CPA6: variants seen among roughly 807,000 people sequenced by gnomAD.
CPA6 encodes carboxypeptidase B.
A neutral mutation model predicts 63.3 loss-of-function variants in CPA6; 58 were observed. The ratio of observed to expected loss-of-function variants is 0.92; its 90% CI spans 0.74 to 1.14. The LOEUF (loss-of-function observed/expected upper bound fraction) is 1.14, where lower values mean the gene tolerates loss of function less well. Ranked by LOEUF, CPA6 falls within the 50% of genes most tolerant of loss-of-function variation. CPA6 has a pLI of 0.00. For missense variants in CPA6, 565 were observed against 526.6 expected (o/e 1.07, Z -0.71); for synonymous variants, 185 against 179.0 (o/e 1.03, Z -0.27).
chr8:67,470,125 G>A (rs1811024818), intron 8 of CPA6, among the ~76,000 whole-genome samples: 1 of 151,550 alleles, frequency 6.6e-6, no homozygotes, highest in Non-Finnish European at 1.5e-5. Flanking sequence ...CTCCCAACAG[G>A]TTCAAGCAAT....
intron 1 of CPA6, among the ~76,000 whole-genome samples, chr8:67,631,395 C>T (rs1490791637): frequency 1.3e-5 from 2 of 152,178 alleles, no homozygotes; most frequent in Non-Finnish European, 2.9e-5. Context: ...ATTGTAAATG[C>T]ACCAATCAGC....
intron 2 of CPA6, among the ~76,000 whole-genome samples, chr8:67,547,279 C>G (rs889785677): frequency 6.6e-6 from 1 of 152,160 alleles, no homozygotes; most frequent in Admixed American, 6.5e-5. Flanking sequence ...ATCTCCTGAC[C>G]TGGTGATCCG....
At chr8:67,507,999 T>TTGTGTGTGTG (rs145996041) in intron 5 of CPA6, among the ~76,000 whole-genome samples, 77 of 142,394 alleles carry the variant, frequency 5.4e-4, no homozygotes, top group East Asian at 2.5e-3. Context: ...ATGGGGTGCT[T>TTGTGTGTGTG]TGTGTGTGTG....
chr8:67,709,438 GAGGAGGCA>G (rs1817206000), intron 1 of CPA6, among the ~76,000 whole-genome samples: 1 of 152,172 alleles, frequency 6.6e-6, no homozygotes, highest in Non-Finnish European at 1.5e-5. Context: ...TATTTCCTCT[GAGGAGGCA>G]AGAATCAAGT....
intron 1 of CPA6, chr8:67,735,174 T>A (rs536878390): frequency 5.3e-5 from 8 of 152,354 alleles, no homozygotes; most frequent in Admixed American, 2.6e-4. Flanking sequence ...TCATTTTTTT[T>A]AATCTCTCCC....
rs116242548 is a variant in CPA6, at chr8:67,568,062, G to T, written c.193-50015C>A. ...ATTCAGGGCAAAGGGAGCAGCTCAG[G>T]CTTCTAGATAACCTGAAAGCAAACT... On this transcript the variant is annotated intron_variant, in intron 2 of 10. Transcript: ENST00000297770. Among the ~76,000 whole-genome samples the T allele has an allele frequency of 9.1e-3, 1,391 of 152,202 alleles. 18 individuals are homozygous for T. Among genetic ancestry groups the T allele is most frequent in the African/African-American group, 0.032 (1,324 of 41,506 alleles).
At chr8:67,566,474 C>T (rs1813339126) in intron 2 of CPA6, among the ~76,000 whole-genome samples, 1 of 152,216 alleles carries the variant, frequency 6.6e-6, no homozygotes, top group Non-Finnish European at 1.5e-5. Flanking sequence ...TGTGTCACCT[C>T]TAAAACCTTA....
intron 10 of CPA6, among the ~76,000 whole-genome samples, chr8:67,426,433 T>C (rs181628708): frequency 6.6e-6 from 1 of 151,532 alleles, no homozygotes; most frequent in Non-Finnish European, 1.5e-5. Flanking sequence ...TATGATTGTT[T>C]AAATACAGTT....
intron 1 of CPA6, among the ~76,000 whole-genome samples, chr8:67,734,340 C>T (rs918148208): frequency 3.4e-5 from 5 of 145,788 alleles, no homozygotes; most frequent in African/African-American, 1.3e-4. Flanking sequence ...AACCAGGGCC[C>T]CATGGAAAAA....
At chr8:67,740,516 T>G (rs919548433) in intron 1 of CPA6, among the ~76,000 whole-genome samples, 1 of 152,226 alleles carries the variant, frequency 6.6e-6, no homozygotes, top group Middle Eastern at 3.2e-3. Flanking sequence ...TTGTCTTCAG[T>G]ATGCCACATC....
intron 7 of CPA6, 104 bp from the exon 8 acceptor site, chr8:67,483,962 A>G: frequency 2.1e-6 from 2 of 943,222 alleles, no homozygotes; most frequent in Admixed American, 3.6e-5. Flanking sequence ...CTGAGGGGAG[A>G]GTTCTCCTGT....
chr8:67,550,029 T>C (rs1200435427), intron 2 of CPA6, among the ~76,000 whole-genome samples: 1 of 152,222 alleles, frequency 6.6e-6, no homozygotes. Flanking sequence ...GATCATTTGA[T>C]AGTTCTATTG....
intron 1 of CPA6, among the ~76,000 whole-genome samples, chr8:67,663,808 A>G (rs991110708): frequency 6.6e-6 from 1 of 152,080 alleles, no homozygotes; most frequent in Non-Finnish European, 1.5e-5. Context: ...CATCTTTGCT[A>G]TTGTGAATAG....
chr8:67,697,418 C>T (rs1043736353), intron 1 of CPA6, among the ~76,000 whole-genome samples: 10 of 152,248 alleles, frequency 6.6e-5, no homozygotes, highest in East Asian at 3.9e-4. Context: ...GTCATAAGAC[C>T]TTAAGGAGGC....
chr8:67,441,591 G>T (rs1050673237), intron 8 of CPA6, among the ~76,000 whole-genome samples: 2 of 152,104 alleles, frequency 1.3e-5, no homozygotes, highest in African/African-American at 4.8e-5. Context: ...ACATACATAG[G>T]TATAATCATA....
intron 8 of CPA6, among the ~76,000 whole-genome samples, chr8:67,448,005 G>A (rs557650466): frequency 1.5e-3 from 227 of 152,244 alleles, no homozygotes; most frequent in African/African-American, 4.5e-3. Flanking sequence ...GGCTGGTCTC[G>A]AACTCCCAAG....
intron 1 of CPA6, among the ~76,000 whole-genome samples, chr8:67,624,595 G>T (rs1815156292): frequency 6.6e-6 from 1 of 152,230 alleles, no homozygotes; most frequent in Non-Finnish European, 1.5e-5. Context: ...TCTGATGACA[G>T]AAGAAAGAAA....
At chr8:67,544,573 T>C (rs1300139265) in intron 2 of CPA6, among the ~76,000 whole-genome samples, 1 of 152,196 alleles carries the variant, frequency 6.6e-6, no homozygotes, top group African/African-American at 2.4e-5. Flanking sequence ...AGTTGAGTCT[T>C]TCTGAATAAT....
At chr8:67,442,071 T>C (rs1303214282) in intron 8 of CPA6, among the ~76,000 whole-genome samples, 3 of 152,086 alleles carry the variant, frequency 2.0e-5, no homozygotes, top group Admixed American at 1.3e-4. Context: ...AGCAAGGAAA[T>C]ATAAAGAAAC....
Sources: gnomAD v4.1 joint callset for allele counts (sites outside exome capture counted in the v4.1 genomes callset) on GRCh38, gnomAD v4.1.1 for gene constraint, MANE v1.5 for transcripts, NCBI Gene and HGNC (gene_info 2026-07-23, HGNC 2026-07-21) for gene names.